FNDC3A: variants seen among roughly 807,000 people sequenced by gnomAD.
The protein encoded by FNDC3A is fibronectin type III domain containing 3A.
Under a neutral mutation model 148.9 loss-of-function variants are expected in FNDC3A, and 32 were observed. That is an observed-to-expected ratio of 0.21 (90% CI 0.16 to 0.29). The LOEUF is 0.29. FNDC3A is among the 10% of genes least tolerant of loss of function. FNDC3A has a pLI of 1.00. For synonymous variants in FNDC3A, 472 were observed against 473.6 expected, an observed-to-expected ratio of 1.00 and a Z score of 0.04; for missense variants, 1,191 against 1,452.8, an observed-to-expected ratio of 0.82 and a Z score of 2.93.
chr13:49,203,208 G>C lies in FNDC3A; in HGVS notation c.3206G>C (p.Cys1069Ser), dbSNP rs544542712. ...CACATTTGTGAAATTACATGGGAGT[G>C]TTTACAGCCAATGAAAGGTGATCCA... ...NDHICEITWE[C>S]LQPMKGDPVI... The change falls in exon 25 of 26, where the codon TGT becomes TCT. Residue 1069 changes from cysteine (C) to serine (S), a missense_variant. Coordinates refer to ENST00000492622, the MANE Select transcript of FNDC3A (RefSeq NM_001079673.2). 7.5e-5 allele frequency: 120 copies of C among 1,604,868 alleles called. 1 individual carries two copies. In the South Asian group the frequency reaches 1.3e-3, roughly 17 times the overall value.
intron 1 of FNDC3A, among the ~76,000 whole-genome samples, chr13:48,985,015 A>G (rs1951762713): frequency 6.6e-6 from 1 of 152,208 alleles, no homozygotes; most frequent in Admixed American, 6.5e-5. Flanking sequence ...ATAAAAAATA[A>G]AATGACAAAA....
chr13:49,129,710 A>G (rs548346595), intron 4 of FNDC3A, among the ~76,000 whole-genome samples: 2 of 152,288 alleles, frequency 1.3e-5, no homozygotes, highest in East Asian at 3.9e-4. Context: ...AAAACAAGGC[A>G]TTATGGTTCT....
chr13:49,019,736 T>A (rs955670316), intron 2 of FNDC3A, among the ~76,000 whole-genome samples: 2 of 152,220 alleles, frequency 1.3e-5, no homozygotes, highest in Non-Finnish European at 2.9e-5. Context: ...ATGCTAATAT[T>A]TTTTCTTGGA....
At chr13:49,171,087 T>C (rs113445521) in intron 10 of FNDC3A, among the ~76,000 whole-genome samples, 3 of 152,260 alleles carry the variant, frequency 2.0e-5, no homozygotes, top group Admixed American at 6.5e-5. Context: ...GCCACTACTT[T>C]GCCAGTCAGT....
chr13:49,002,033 G>T (rs1952135289), intron 1 of FNDC3A, among the ~76,000 whole-genome samples: 1 of 152,122 alleles, frequency 6.6e-6, no homozygotes, highest in Admixed American at 6.6e-5. Flanking sequence ...CAGACACCCA[G>T]CTTTAAAATT....
chr13:49,187,304 A>G (rs112741779), intron 16 of FNDC3A, 114 bp downstream of exon 16: 2 of 940,282 alleles, frequency 2.1e-6, no homozygotes, highest in Non-Finnish European at 3.2e-6. Flanking sequence ...CATAAGGTAC[A>G]CCATAAAAAG....
At chr13:49,070,213 C>A (rs1877554908) in intron 2 of FNDC3A, among the ~76,000 whole-genome samples, 1 of 151,916 alleles carries the variant, frequency 6.6e-6, no homozygotes, top group Non-Finnish European at 1.5e-5. Flanking sequence ...CTCACTGCAA[C>A]CTCCGCCTCC....
At chr13:49,012,805 A>ATGTGTGTGTGTGTG (rs61137549) in intron 2 of FNDC3A, among the ~76,000 whole-genome samples, 15,982 of 134,290 alleles carry the variant, frequency 0.12, 1,096 homozygotes, top group East Asian at 0.23. Context: ...GCAATTATAA[A>ATGTGTGTGTGTGTG]TGTGTGTGTG....
chr13:49,022,143 A>T (rs958492523), intron 2 of FNDC3A, among the ~76,000 whole-genome samples: 1 of 152,150 alleles, frequency 6.6e-6, no homozygotes, highest in Non-Finnish European at 1.5e-5. Flanking sequence ...TTGTTGATAC[A>T]TGTTAAGCTT....
chr13:49,170,868 A>T (rs902203268), intron 10 of FNDC3A, among the ~76,000 whole-genome samples: 5 of 152,192 alleles, frequency 3.3e-5, no homozygotes, highest in Non-Finnish European at 4.4e-5. Flanking sequence ...GGAAAAAGAG[A>T]AAAATTAATC....
chr13:49,192,047 C>G (rs1885913634), intron 19 of FNDC3A, among the ~76,000 whole-genome samples: 1 of 152,122 alleles, frequency 6.6e-6, no homozygotes, highest in Admixed American at 6.5e-5. Context: ...ACTCCAGAGC[C>G]AAAGCTCTTT....
intron 7 of FNDC3A, among the ~76,000 whole-genome samples, chr13:49,139,065 A>G (rs1882544395): frequency 6.6e-6 from 1 of 152,318 alleles, no homozygotes; most frequent in East Asian, 1.9e-4. Flanking sequence ...TAAATAAAAA[A>G]CAAATGCACA....
At chr13:49,160,932 G>A (rs906377854) in intron 8 of FNDC3A, among the ~76,000 whole-genome samples, 24 of 152,228 alleles carry the variant, frequency 1.6e-4, no homozygotes, top group Admixed American at 1.3e-3. Flanking sequence ...ATGCGGTTTT[G>A]AGTGAGTTTC....
intron 14 of FNDC3A, among the ~76,000 whole-genome samples, chr13:49,179,402 T>C (rs751184587): frequency 2.0e-5 from 3 of 151,452 alleles, no homozygotes; most frequent in Non-Finnish European, 2.9e-5. Context: ...TGTAAAGTTA[T>C]TCTTTTTTGT....
At chr13:49,119,497 T>C (rs1022747859) in intron 4 of FNDC3A, among the ~76,000 whole-genome samples, 22 of 152,080 alleles carry the variant, frequency 1.4e-4, no homozygotes, top group African/African-American at 5.1e-4. Context: ...GTTTGACGAA[T>C]TGACAGAAGT....
At chr13:49,103,629 G>A (rs573881002) in intron 3 of FNDC3A, among the ~76,000 whole-genome samples, 1 of 152,342 alleles carries the variant, frequency 6.6e-6, no homozygotes, top group Non-Finnish European at 1.5e-5. Context: ...AGAGCCTAGT[G>A]CTGCTAAGGC....
At chr13:49,078,194 G>T (rs945885628) in intron 3 of FNDC3A, among the ~76,000 whole-genome samples, 1 of 152,136 alleles carries the variant, frequency 6.6e-6, no homozygotes, top group Non-Finnish European at 1.5e-5. Context: ...ACCAGACCCT[G>T]AATTATAAGT....
chr13:49,088,673 G>A (rs7318871), intron 3 of FNDC3A, among the ~76,000 whole-genome samples: 88,445 of 151,886 alleles, frequency 0.58, 27,284 homozygotes, highest in Non-Finnish European at 0.68. Context: ...TACAGTTTAT[G>A]CATTCTCCTG....
At chr13:49,140,188 C>A (rs1386106957) in intron 7 of FNDC3A, among the ~76,000 whole-genome samples, 1 of 152,018 alleles carries the variant, frequency 6.6e-6, no homozygotes, top group African/African-American at 2.4e-5. Context: ...AATACAGATA[C>A]TACAGACCAA....
Sources: allele counts gnomAD v4.1 joint callset (sites outside exome capture counted in the v4.1 genomes callset), GRCh38; gene constraint gnomAD v4.1.1; transcripts MANE v1.5; gene names NCBI Gene and HGNC (gene_info 2026-07-23, HGNC 2026-07-21).